ACER3: variants seen among roughly 807,000 people sequenced by gnomAD.
The protein encoded by ACER3 is alkaline ceramidase 3.
ACER3 carries 16 observed loss-of-function variants against 48.9 expected under a neutral mutation model. The ratio of observed to expected loss-of-function variants is 0.33; its 90% CI spans 0.22 to 0.50. The LOEUF (loss-of-function observed/expected upper bound fraction) is 0.50, where lower values mean the gene tolerates loss of function less well. Ranked by LOEUF, ACER3 falls within the 20% of genes least tolerant of loss-of-function variation. The pLI is 0.98. For missense variants in ACER3, 227 were observed against 326.0 expected (o/e 0.70, Z 2.34); for synonymous variants, 109 against 107.8 (o/e 1.01, Z -0.07).
intron 3 of ACER3, 108 bp downstream of exon 3, chr11:76,959,139 T>G (rs746011232): frequency 7.9e-5 from 124 of 1,570,994 alleles, no homozygotes; most frequent in Non-Finnish European, 9.9e-5. Flanking sequence ...TTGTAATCTC[T>G]GGAGTTTTTT....
intron 6 of ACER3, among the ~76,000 whole-genome samples, chr11:76,991,241 A>C (rs1277308220): frequency 6.6e-6 from 1 of 152,224 alleles, no homozygotes; most frequent in Non-Finnish European, 1.5e-5. Flanking sequence ...GAGAGCCAGG[A>C]TTATAACCTA....
At chr11:76,947,912 A>G (rs531849507) in intron 2 of ACER3, among the ~76,000 whole-genome samples, 12 of 152,330 alleles carry the variant, frequency 7.9e-5, no homozygotes, top group Admixed American at 7.8e-4. Context: ...GAGATGCAGA[A>G]CCACAGATAG....
chr11:76,893,219 T>C (rs1473269494), intron 1 of ACER3, among the ~76,000 whole-genome samples: 3 of 152,070 alleles, frequency 2.0e-5, no homozygotes, highest in African/African-American at 7.2e-5. Context: ...AAAATGACAG[T>C]ACTAGCTGGG....
chr11:77,005,192 G>A (rs1211107632), intron 7 of ACER3, among the ~76,000 whole-genome samples: 2 of 151,732 alleles, frequency 1.3e-5, no homozygotes, highest in Non-Finnish European at 2.9e-5. Context: ...GCCTGCCACC[G>A]CACCCGGCTA....
At chr11:76,990,135 C>A in intron 5 of ACER3, among the ~76,000 whole-genome samples, 1 of 152,310 alleles carries the variant, frequency 6.6e-6, no homozygotes, top group Non-Finnish European at 1.5e-5. Context: ...AGGCATGTAG[C>A]AAGTAAGTGG....
At chr11:76,982,143 T>C (rs537428004) in intron 4 of ACER3, among the ~76,000 whole-genome samples, 4 of 152,120 alleles carry the variant, frequency 2.6e-5, no homozygotes, top group African/African-American at 9.7e-5. Flanking sequence ...ATGATGTGCA[T>C]CTTTTTTTAT....
intron 2 of ACER3, chr11:76,957,534 C>A (rs993314935): frequency 6.8e-6 from 3 of 443,312 alleles, no homozygotes; most frequent in African/African-American, 2.0e-5. Flanking sequence ...ACCTCCATTT[C>A]CCAGGTTTAC....
At chr11:76,920,983 A>G (rs1291191245) in intron 1 of ACER3, among the ~76,000 whole-genome samples, 2 of 152,118 alleles carry the variant, frequency 1.3e-5, no homozygotes, top group Non-Finnish European at 2.9e-5. Context: ...CGATCATTTT[A>G]TGTGCATTAT....
chr11:76,943,910 G>T (rs916019847), intron 2 of ACER3, among the ~76,000 whole-genome samples: 19 of 75,142 alleles, frequency 2.5e-4, no homozygotes, highest in African/African-American at 7.9e-4. Context: ...AATGACCTTT[G>T]TCCTTTTTTT....
intron 1 of ACER3, among the ~76,000 whole-genome samples, chr11:76,921,923 G>C (rs552982533): frequency 1.3e-5 from 2 of 152,052 alleles, no homozygotes; most frequent in Admixed American, 1.3e-4. Flanking sequence ...AGTATATTAT[G>C]CCTTTATATG....
chr11:76,894,818 A>G (rs1945889806), intron 1 of ACER3, among the ~76,000 whole-genome samples: 1 of 152,198 alleles, frequency 6.6e-6, no homozygotes, highest in African/African-American at 2.4e-5. Flanking sequence ...AAAAGAAGGA[A>G]GAGGACAGGC....
At chr11:77,013,729 A>AAATAGGAGAAATT (rs1181561871) in intron 7 of ACER3, among the ~76,000 whole-genome samples, 61 of 152,286 alleles carry the variant, frequency 4.0e-4, no homozygotes, top group African/African-American at 1.3e-3. Flanking sequence ...TCTCCTAGCT[A>AAATAGGAGAAATT]TTTACCCAAG....
chr11:76,892,378 A>C (rs574131026), intron 1 of ACER3, among the ~76,000 whole-genome samples: 2 of 152,208 alleles, frequency 1.3e-5, no homozygotes, highest in African/African-American at 4.8e-5. Flanking sequence ...TAAAATAATA[A>C]ATTTAGTATT....
chr11:77,003,832 A>G (rs1426942068), intron 7 of ACER3, among the ~76,000 whole-genome samples: 1 of 152,186 alleles, frequency 6.6e-6, no homozygotes, highest in Non-Finnish European at 1.5e-5. Context: ...ATGTTGTTTC[A>G]CATTCAAGAG....
intron 1 of ACER3, among the ~76,000 whole-genome samples, chr11:76,865,569 C>T (rs1207185964): frequency 3.3e-5 from 5 of 151,312 alleles, no homozygotes; most frequent in Admixed American, 6.6e-5. Context: ...AGTGCAGTGG[C>T]GCAATCTTGG....
intron 7 of ACER3, among the ~76,000 whole-genome samples, chr11:77,002,972 TG>T (rs1438289873): frequency 6.6e-6 from 1 of 151,996 alleles, no homozygotes; most frequent in Non-Finnish European, 1.5e-5. Flanking sequence ...GGGAAGGCAT[TG>T]GAGAGTTATC....
At chr11:76,906,807 C>G (rs572684910) in intron 1 of ACER3, among the ~76,000 whole-genome samples, 10 of 152,270 alleles carry the variant, frequency 6.6e-5, no homozygotes, top group African/African-American at 1.7e-4. Context: ...GCAGTCCCCC[C>G]ACCTTGGCCT....
At chr11:76,991,829 A>G (rs917888427) in intron 6 of ACER3, among the ~76,000 whole-genome samples, 3 of 151,366 alleles carry the variant, frequency 2.0e-5, no homozygotes, top group African/African-American at 4.8e-5. Context: ...AAAAAAAAAA[A>G]AAAGAAAGAA....
intron 1 of ACER3, among the ~76,000 whole-genome samples, chr11:76,905,207 G>A (rs1434257640): frequency 2.6e-5 from 4 of 151,902 alleles, no homozygotes; most frequent in Non-Finnish European, 4.4e-5. Flanking sequence ...ATATTTTGTG[G>A]CCTGAATAAA....
Sources: gnomAD v4.1 joint callset for allele counts (sites outside exome capture counted in the v4.1 genomes callset) on GRCh38, gnomAD v4.1.1 for gene constraint, MANE v1.5 for transcripts, NCBI Gene and HGNC (gene_info 2026-07-23, HGNC 2026-07-21) for gene names.